Variants in MYSM1 observed in about 807,000 individuals in gnomAD.
The protein encoded by MYSM1 is deubiquitinase MYSM1.
MYSM1 carries 51 observed loss-of-function variants against 116.0 expected under a neutral mutation model. The observed-to-expected ratio is 0.44, with a 90% CI of 0.35 to 0.56. The LOEUF is 0.56. MYSM1 is among the 20% of genes least tolerant of loss of function. The pLI, the probability that MYSM1 is intolerant of heterozygous loss-of-function variation, is 0.00. For synonymous variants in MYSM1, 313 were observed against 315.2 expected (o/e 0.99, Z 0.07); for missense variants, 900 against 974.9 (o/e 0.92, Z 1.02).
At chr1:58,675,680 ACT>A (rs1249227581) in intron 9 of MYSM1, 100 bp from the exon 10 acceptor site, 3 of 813,756 alleles carry the variant, frequency 3.7e-6, no homozygotes, top group East Asian at 2.7e-5. Flanking sequence ...GGCTTCTATG[ACT>A]CTTATTTCAC....
At chr1:58,698,102 A>ATATATATTTTTTTTTTTTTTT in intron 1 of MYSM1, among the ~76,000 whole-genome samples, 2 of 7,776 alleles carry the variant, frequency 2.6e-4, no homozygotes, top group Non-Finnish European at 7.3e-4. Context: ...ATATATATAT[A>ATATATATTTTTTTTTTTTTTT]TTTTTTTTTT....
At position 58,692,884 on chromosome 1, in the gene MYSM1, A is replaced by G. The variant is rs1644922084; in HGVS notation, c.195T>C (p.Ile65=). 6.2e-7 allele frequency: 1 copy of G among 1,610,650 alleles called. No individual in the cohort carries two copies. The highest frequency in any genetic ancestry group is 8.5e-7 in the Non-Finnish European group (1 of 1,178,680). Residue 65 remains isoleucine (I), a synonymous_variant, in exon 3 of 20, where the codon ATT becomes ATC. Transcript: ENST00000472487. Reference sequence around the variant, plus strand: ...ACTCTTCTTCCAACAACATTTTCTCAATAACAGCTCTGTTCTCTTCACTGA... The same window carrying G: ...ACTCTTCTTCCAACAACATTTTCTCGATAACAGCTCTGTTCTCTTCACTGA... The part of the protein sequence containing the change: ...NTISEENRAV[I]EKMLLEEEYY...
chr1:58,676,918 A>G lies in MYSM1; in HGVS notation c.1390+8T>C. 5.6e-6 allele frequency: 9 copies of G among 1,609,014 alleles called. No individual in the cohort carries two copies. The highest frequency in any genetic ancestry group is 7.6e-6 in the Non-Finnish European group (9 of 1,178,118). Reference sequence around the variant, plus strand: ...GAGTAAAAGATGTTGTTGGGTTTTTATTTTTACCACATCCAAAATTGATTG... The same window carrying G: ...GAGTAAAAGATGTTGTTGGGTTTTTGTTTTTACCACATCCAAAATTGATTG... On this transcript the variant is annotated splice_region_variant and intron_variant, in intron 9 of 19. Coordinates refer to ENST00000472487, the MANE Select transcript of MYSM1 (RefSeq NM_001085487.3).
chr1:58,656,891 A>C lies in MYSM1; in HGVS notation c.*3106T>G, dbSNP rs546730408. The C allele has an allele frequency of 6.6e-6, 1 of 152,302 alleles. No individual in the cohort carries two copies. The highest frequency in any genetic ancestry group is 6.5e-5 in the Admixed American group (1 of 15,292). 9.4% of individuals were successfully genotyped at this position (152,302 alleles called of 1,614,324 possible). ...TCTAAACAAAATGTTTTAATCTAAA[A>C]TATTAATACATTCATTTCATACAGA... On this transcript the variant is annotated 3_prime_UTR_variant, in exon 20 of 20. Transcript: ENST00000472487.
chr1:58,699,445 A>G (rs1645031275), intron 1 of MYSM1, among the ~76,000 whole-genome samples: 1 of 152,166 alleles, frequency 6.6e-6, no homozygotes, highest in South Asian at 2.1e-4. Flanking sequence ...CATTGCTATT[A>G]ACTGGTAGGG....
intron 1 of MYSM1, among the ~76,000 whole-genome samples, chr1:58,696,307 TAAG>T (rs1282434547): frequency 2.0e-5 from 3 of 152,200 alleles, no homozygotes; most frequent in African/African-American, 4.8e-5. Flanking sequence ...TATTCCTCAA[TAAG>T]AAGAATCAGC....
Position 58,678,546 on chromosome 1 carries a change from T to C in MYSM1, c.1260-1490A>G, listed in dbSNP as rs544420737. On this transcript the variant is annotated intron_variant, in intron 8 of 19. Coordinates refer to ENST00000472487, the MANE Select transcript of MYSM1 (RefSeq NM_001085487.3). ...AGAGTACCTTCTATATTCTGAGCAT[T>C]GTTTAAGAACTAGATTCAACAACAA... is the stretch of plus-strand genomic sequence containing the variant. 1.5e-4 allele frequency among the ~76,000 whole-genome samples: 23 copies of C among 152,294 alleles called. No individual in the cohort carries two copies. In the South Asian group the frequency reaches 2.3e-3, roughly 15 times the overall value.
chr1:58,666,710 T>C (rs1644476511), intron 16 of MYSM1, among the ~76,000 whole-genome samples: 1 of 151,108 alleles, frequency 6.6e-6, no homozygotes, highest in African/African-American at 2.4e-5. Flanking sequence ...CTGTTTCTAC[T>C]CAAACTACAA....
chr1:58,686,871 T>A (rs1482671609), intron 6 of MYSM1, among the ~76,000 whole-genome samples: 2 of 151,408 alleles, frequency 1.3e-5, no homozygotes, highest in Non-Finnish European at 2.9e-5. Flanking sequence ...CAGTGGCACA[T>A]GTATGTGGTC....
At chr1:58,693,314 C>A (rs1368284775) in intron 2 of MYSM1, among the ~76,000 whole-genome samples, 1 of 152,184 alleles carries the variant, frequency 6.6e-6, no homozygotes, top group Non-Finnish European at 1.5e-5. Flanking sequence ...TCCTCAGTTA[C>A]AATCTCCATG....
chr1:58,682,824 T>C (rs1180008896), intron 7 of MYSM1, among the ~76,000 whole-genome samples: 1 of 151,800 alleles, frequency 6.6e-6, no homozygotes, highest in Non-Finnish European at 1.5e-5. Context: ...GCCTCCCGAA[T>C]AGCTGGGACT....
At chr1:58,687,332 T>G (rs1384413643) in intron 6 of MYSM1, among the ~76,000 whole-genome samples, 1 of 152,192 alleles carries the variant, frequency 6.6e-6, no homozygotes, top group African/African-American at 2.4e-5. Flanking sequence ...AGACACTGGT[T>G]ACCCCGGGCG....
At chr1:58,691,796 G>A (rs1168244713) in intron 3 of MYSM1, among the ~76,000 whole-genome samples, 2 of 152,078 alleles carry the variant, frequency 1.3e-5, no homozygotes, top group Non-Finnish European at 2.9e-5. Context: ...GAACCAGGGA[G>A]GCAGAGGTTG....
chr1:58,670,092 G>A (rs895215912), intron 12 of MYSM1, among the ~76,000 whole-genome samples: 13 of 152,106 alleles, frequency 8.5e-5, no homozygotes, highest in Admixed American at 6.5e-5. Context: ...AACCATAGAT[G>A]GTTAGCTTCA....
At chr1:58,687,274 C>T (rs1644840267) in intron 6 of MYSM1, among the ~76,000 whole-genome samples, 1 of 152,054 alleles carries the variant, frequency 6.6e-6, no homozygotes. Flanking sequence ...TAAATAAATA[C>T]ATATTTACTT....
At chr1:58,660,622 AG>A (rs1361254977) in intron 19 of MYSM1, among the ~76,000 whole-genome samples, 2 of 152,128 alleles carry the variant, frequency 1.3e-5, no homozygotes, top group African/African-American at 4.8e-5. Flanking sequence ...TATAACAGAA[AG>A]GAGTAAAACA....
In MYSM1 at chr1:58,660,000, C is replaced by T. The variant is rs778124222; in HGVS notation, c.2484G>A (p.Met828Ile). Residue 828 changes from methionine (M) to isoleucine (I), a missense_variant, in exon 20 of 20, where the codon ATG (methionine) becomes ATA (isoleucine). Around this residue, in one of 3 missense-constraint regions of MYSM1, gnomAD observed 186 missense variants for 196.2 expected, o/e 0.95. Transcript: ENST00000472487. ...TEENCTKELL[M>I] is the part of the protein sequence containing the mutation. ...AAATGTCTTAACTTTAAAATAATCACATTAACAATTCCTTTGTACAGTTCT... is the reference window on the plus strand; with the variant it reads ...AAATGTCTTAACTTTAAAATAATCATATTAACAATTCCTTTGTACAGTTCT... 6.5e-7 allele frequency: 1 copy of T among 1,545,266 alleles called. No homozygotes were observed. Among genetic ancestry groups the T allele is most frequent in the Non-Finnish European group, 8.7e-7 (1 of 1,143,840 alleles).
intron 8 of MYSM1, among the ~76,000 whole-genome samples, 179 bp downstream of exon 8, chr1:58,681,606 T>C (rs1190956140): frequency 6.6e-6 from 1 of 152,194 alleles, no homozygotes; most frequent in Non-Finnish European, 1.5e-5. Flanking sequence ...AGATGGGTTA[T>C]GAGAGTTATA....
At chr1:58,694,838 C>T (rs946679749) in intron 2 of MYSM1, among the ~76,000 whole-genome samples, 3 of 151,998 alleles carry the variant, frequency 2.0e-5, no homozygotes, top group Non-Finnish European at 4.4e-5. Flanking sequence ...CCACCTACCA[C>T]TTTTTTAGGT....
Sources: gnomAD v4.1 joint callset for allele counts (sites outside exome capture counted in the v4.1 genomes callset) on GRCh38, gnomAD v4.1.1 for gene constraint, gnomAD v4.1.1 regional missense constraint, MANE v1.5 for transcripts, NCBI Gene and HGNC (gene_info 2026-07-23, HGNC 2026-07-21) for gene names.